Variants in BCKDHB observed in about 807,000 individuals in gnomAD.
The protein encoded by BCKDHB is branched chain keto acid dehydrogenase E1 subunit beta.
BCKDHB carries 41 observed loss-of-function variants against 48.5 expected under a neutral mutation model. That is an observed-to-expected ratio of 0.85 (90% CI 0.66 to 1.10). The LOEUF (loss-of-function observed/expected upper bound fraction) is 1.10. Among genes scored for constraint, BCKDHB ranks in the 50% least tolerant of loss-of-function variants. BCKDHB has a pLI of 0.00. For missense variants in BCKDHB, 496 were observed against 494.2 expected, an observed-to-expected ratio of 1.00 and a Z score of -0.03; for synonymous variants, 201 against 174.8, an observed-to-expected ratio of 1.15 and a Z score of -1.18.
chr6:80,186,489 T>G (rs1726855349), intron 6 of BCKDHB, among the ~76,000 whole-genome samples: 1 of 152,202 alleles, frequency 6.6e-6, no homozygotes, highest in South Asian at 2.1e-4. Flanking sequence ...ACTACAAGCC[T>G]TCCTGCTGAG....
chr6:80,416,834 C>G, the BCKDHB span, among the ~76,000 whole-genome samples: 1 of 149,684 alleles, frequency 6.7e-6, no homozygotes, highest in South Asian at 2.1e-4. Context: ...TTTTTATTTG[C>G]TTTTTTTGTT....
At chr6:80,332,431 G>A (rs890173408) in intron 9 of BCKDHB, among the ~76,000 whole-genome samples, 17 of 152,096 alleles carry the variant, frequency 1.1e-4, no homozygotes, top group African/African-American at 3.9e-4. Flanking sequence ...TTGTTCTTTA[G>A]TATTAGAGTT....
intron 8 of BCKDHB, among the ~76,000 whole-genome samples, chr6:80,218,491 A>C (rs1775272317): frequency 6.6e-6 from 1 of 152,158 alleles, no homozygotes; most frequent in South Asian, 2.1e-4. Flanking sequence ...TTTGATTTAT[A>C]AATTTTAACA....
chr6:80,439,535 G>A, the BCKDHB span, among the ~76,000 whole-genome samples: 10 of 152,188 alleles, frequency 6.6e-5, no homozygotes, highest in East Asian at 3.9e-4. Context: ...TATAAATATT[G>A]CAATGACTTA....
At chr6:80,418,818 C>T in the BCKDHB span, among the ~76,000 whole-genome samples, 20 of 152,178 alleles carry the variant, frequency 1.3e-4, no homozygotes, top group Non-Finnish European at 2.6e-4. Context: ...CTAGTGGGTG[C>T]CGGGGTTCCT....
chr6:80,466,250 C>A, the BCKDHB span, among the ~76,000 whole-genome samples: 1 of 152,184 alleles, frequency 6.6e-6, no homozygotes, highest in Non-Finnish European at 1.5e-5. Flanking sequence ...CTATATTATA[C>A]TTACACATAT....
chr6:80,316,334 G>A (rs1396513852), intron 9 of BCKDHB, among the ~76,000 whole-genome samples: 4 of 151,148 alleles, frequency 2.6e-5, no homozygotes, highest in Non-Finnish European at 5.9e-5. Context: ...TTCCAATTCT[G>A]TATCATTATG....
intron 8 of BCKDHB, among the ~76,000 whole-genome samples, chr6:80,242,731 A>G (rs1016278451): frequency 1.3e-5 from 2 of 152,092 alleles, no homozygotes; most frequent in Non-Finnish European, 2.9e-5. Flanking sequence ...TCTTTGCATC[A>G]TGGGGAGGAG....
chr6:80,440,643 G>A, the BCKDHB span: 2 of 146,762 alleles, frequency 1.4e-5, no homozygotes, highest in East Asian at 2.0e-4. Flanking sequence ...CTGAACGTGT[G>A]TCTCTACAAC....
chr6:80,389,825 A>G, the BCKDHB span, among the ~76,000 whole-genome samples: 1 of 152,164 alleles, frequency 6.6e-6, no homozygotes, highest in Non-Finnish European at 1.5e-5. Context: ...CAACCAATAT[A>G]TAGTACTGTT....
At chr6:80,357,369 G>T in the BCKDHB span, among the ~76,000 whole-genome samples, 1 of 152,058 alleles carries the variant, frequency 6.6e-6, no homozygotes, top group South Asian at 2.1e-4. Context: ...ATGGAGAGGG[G>T]AGTATATCCT....
intron 9 of BCKDHB, among the ~76,000 whole-genome samples, chr6:80,295,847 C>T (rs1338298221): frequency 6.6e-6 from 1 of 152,090 alleles, no homozygotes; most frequent in East Asian, 1.9e-4. Context: ...GATTCAGTTA[C>T]CTCCCACCGG....
the BCKDHB span, among the ~76,000 whole-genome samples, chr6:80,447,610 C>G: frequency 9.9e-5 from 15 of 152,218 alleles, no homozygotes; most frequent in African/African-American, 2.4e-4. Context: ...GCTCTCCTGC[C>G]TAACCCTTTT....
the BCKDHB span, among the ~76,000 whole-genome samples, chr6:80,429,761 G>A: frequency 6.6e-6 from 1 of 152,154 alleles, no homozygotes; most frequent in Admixed American, 6.5e-5. Flanking sequence ...TCAGCTTAAG[G>A]AGATTTTGGG....
At chr6:80,416,298 G>T in the BCKDHB span, among the ~76,000 whole-genome samples, 1 of 146,936 alleles carries the variant, frequency 6.8e-6, no homozygotes, top group Non-Finnish European at 1.5e-5. Context: ...CTCTGATTTT[G>T]GTTATTTCTT....
chr6:80,122,897 C>T (rs1022638762), intron 1 of BCKDHB, among the ~76,000 whole-genome samples: 6 of 151,960 alleles, frequency 3.9e-5, no homozygotes, highest in South Asian at 2.1e-4. Flanking sequence ...GAGACCAGGG[C>T]GTATCTCAGT....
At chr6:80,135,737 A>G (rs778293856) in intron 3 of BCKDHB, 2 of 152,152 alleles carry the variant, frequency 1.3e-5, no homozygotes, top group Non-Finnish European at 2.9e-5. Flanking sequence ...AAGTACATTC[A>G]CGTTGTGGTG....
At chr6:80,461,560 A>G in the BCKDHB span, among the ~76,000 whole-genome samples, 4 of 152,150 alleles carry the variant, frequency 2.6e-5, no homozygotes, top group Non-Finnish European at 5.9e-5. Context: ...ATTTGCTATC[A>G]TCCTAATCAT....
chr6:80,208,086 A>G (rs1774751957), intron 8 of BCKDHB, among the ~76,000 whole-genome samples: 1 of 151,890 alleles, frequency 6.6e-6, no homozygotes, highest in Admixed American at 6.6e-5. Context: ...TGGGGCATAA[A>G]TATAACCTTA....
Sources: gnomAD v4.1 joint callset for allele counts (sites outside exome capture counted in the v4.1 genomes callset) on GRCh38, gnomAD v4.1.1 for gene constraint, MANE v1.5 for transcripts, NCBI Gene and HGNC (gene_info 2026-07-23, HGNC 2026-07-21) for gene names.